TTLL9: variants seen among roughly 807,000 people sequenced by gnomAD.
TTLL9 encodes tubulin tyrosine ligase like 9.
TTLL9 carries 47 observed loss-of-function variants against 65.6 expected under a neutral mutation model. The ratio of observed to expected loss-of-function variants is 0.72; its 90% CI spans 0.57 to 0.91. TTLL9 has a LOEUF of 0.91. Among genes scored for constraint, TTLL9 ranks in the 40% least tolerant of loss-of-function variants. The pLI is 0.00. For synonymous variants in TTLL9, 179 were observed against 204.8 expected (o/e 0.87, Z 1.07); for missense variants, 537 against 568.8 (o/e 0.94, Z 0.57).
rs1414120703 is a variant in TTLL9 at position 31,914,326 on chromosome 20, G to C, written c.504+4404G>C. On this transcript the variant is annotated intron_variant, in intron 6 of 14. Coordinates refer to ENST00000535842, the MANE Select transcript of TTLL9 (RefSeq NM_001008409.5). Reference sequence around the variant, plus strand: ...GGGCCTCTTTGACATCTGGTGAAATGTGTGGACCCTATCACAGAATAGTGG... The same window carrying C: ...GGGCCTCTTTGACATCTGGTGAAATCTGTGGACCCTATCACAGAATAGTGG... Among the ~76,000 whole-genome samples the C allele has an allele frequency of 2.0e-5, 3 of 152,182 alleles. No homozygotes were observed. The South Asian group carries it at 6.2e-4, about 31-fold the overall frequency.
At position 31,919,891 on chromosome 20, in the gene TTLL9, T is replaced by C. The variant is rs200319476; in HGVS notation, c.532T>C (p.Phe178Leu). Reference protein sequence around the residue: ...PVARSQGKGIFLFRRLKDIVD... With the variant: ...PVARSQGKGILLFRRLKDIVD... ...AGCCCGGTCTCAAGGGAAAGGCATC[T>C]TCCTCTTCCGTAGGCTGAAGGACAT... Residue 178 changes from phenylalanine (F) to leucine (L), a missense_variant, in exon 7 of 15, where the codon TTC becomes CTC. Phe to Leu is a conservative substitution (Grantham distance 22, BLOSUM62 0). This residue lies in a region of TTLL9 where 320 missense variants were observed against 311.0 expected (regional missense o/e 1.03). Coordinates refer to ENST00000535842, the MANE Select transcript of TTLL9 (RefSeq NM_001008409.5). The C allele has an allele frequency of 8.5e-5, 135 of 1,592,988 alleles. 1 individual carries two copies. The African/African-American group carries it at 1.8e-3, about 21-fold the overall frequency.
chr20:31,901,542 GA>G (rs1210386996), intron 4 of TTLL9: 1 of 152,198 alleles, frequency 6.6e-6, no homozygotes, highest in Non-Finnish European at 1.5e-5. Flanking sequence ...AATAGAATAC[GA>G]AATCCACACG....
intron 2 of TTLL9, among the ~76,000 whole-genome samples, chr20:31,874,940 A>G (rs1158754662): frequency 6.6e-6 from 1 of 152,202 alleles, no homozygotes; most frequent in Non-Finnish European, 1.5e-5. Context: ...AGAGTTTACG[A>G]AAGAAACTCA....
chr20:31,937,267 G>T, intron 12 of TTLL9, 129 bp from the exon 13 acceptor site: 1 of 582,864 alleles, frequency 1.7e-6, no homozygotes, highest in Non-Finnish European at 3.0e-6. Flanking sequence ...AAAAAAAATA[G>T]AAAGGTAGAG....
intron 4 of TTLL9, among the ~76,000 whole-genome samples, chr20:31,900,442 C>T (rs1021601777): frequency 1.3e-5 from 2 of 152,178 alleles, no homozygotes; most frequent in African/African-American, 4.8e-5. Flanking sequence ...AGTGGCTTCT[C>T]AGTGGATTGA....
rs1026424682 is a variant in TTLL9, at chr20:31,907,757, A to G, written c.207-834A>G. Among the ~76,000 whole-genome samples, 8 of 152,014 alleles carry G rather than the reference A, an allele frequency of 5.3e-5. No individual in the cohort carries two copies. The East Asian group carries it at 1.5e-3, about 29-fold the overall frequency. ...AAAAAAAAACCACTGCATAGAAATG[A>G]TAACACACCAAACTCAGGCTGATGG... On this transcript the variant is annotated intron_variant, in intron 4 of 14. Transcript: ENST00000535842.
Position 31,943,189 on chromosome 20 carries a change from A to G in TTLL9, c.*168A>G. On this transcript the variant is annotated 3_prime_UTR_variant, in exon 15 of 15. Coordinates refer to ENST00000535842, the MANE Select transcript of TTLL9 (RefSeq NM_001008409.5). ...TTACTACCTGAATTGGGCCCCTTGG[A>G]TACCTCCAGCCCATCCCCAGGCATC... 1.5e-6 allele frequency: 1 copy of G among 663,414 alleles called. No individual in the cohort carries two copies. The allele number at this position is 663,414 out of a possible 1,614,324, so 41.1% of individuals were successfully genotyped here.
At chr20:31,933,682 C>T (rs564478501) in intron 10 of TTLL9, 118 bp from the exon 11 acceptor site, 13 of 924,032 alleles carry the variant, frequency 1.4e-5, no homozygotes, top group African/African-American at 6.6e-5. Context: ...CTCACACACA[C>T]GACCGTGGAG....
intron 7 of TTLL9, among the ~76,000 whole-genome samples, chr20:31,921,811 C>T (rs149363687): frequency 0.012 from 1,854 of 151,528 alleles, 28 homozygotes; most frequent in African/African-American, 0.042. Flanking sequence ...CATCACACAC[C>T]GGGGCTTATT....
At chr20:31,872,923 C>A in intron 2 of TTLL9, 1 of 480,056 alleles carries the variant, frequency 2.1e-6, no homozygotes, top group Non-Finnish European at 4.2e-6. Flanking sequence ...TCTCTTCTGT[C>A]GGATAAAAAT....
intron 3 of TTLL9, among the ~76,000 whole-genome samples, chr20:31,891,312 A>AT (rs2063304673): frequency 6.6e-6 from 1 of 152,192 alleles, no homozygotes; most frequent in Non-Finnish European, 1.5e-5. Context: ...CCCCATCAGC[A>AT]TTGTAAGATA....
chr20:31,898,051 C>G (rs1172197410), intron 3 of TTLL9, among the ~76,000 whole-genome samples: 1 of 152,136 alleles, frequency 6.6e-6, no homozygotes. Context: ...AGCCAGTCTG[C>G]CTTCTTCTCT....
chr20:31,933,869 C>T lies in TTLL9; in HGVS notation c.807+11C>T, dbSNP rs371395899. The stretch of plus-strand genomic sequence containing the variant: ...TACCACCCAAAGAAGGTGAGGAAGC[C>T]GGGCTCGGCTATGCACGGGTACAGC... On this transcript the variant is annotated intron_variant, in intron 11 of 14. Coordinates refer to ENST00000535842, the MANE Select transcript of TTLL9 (RefSeq NM_001008409.5). The T allele has an allele frequency of 2.4e-5, 38 of 1,613,140 alleles. No individual in the cohort carries two copies. The Admixed American group carries it at 3.2e-4, about 13-fold the overall frequency.
At chr20:31,922,345 A>T (rs2063826808) in intron 7 of TTLL9, among the ~76,000 whole-genome samples, 1 of 152,246 alleles carries the variant, frequency 6.6e-6, no homozygotes, top group East Asian at 1.9e-4. Flanking sequence ...GCTTTATCAC[A>T]CTAAGTGCAT....
At chr20:31,899,096 T>C (rs896698035) in intron 4 of TTLL9, among the ~76,000 whole-genome samples, 1 of 152,244 alleles carries the variant, frequency 6.6e-6, no homozygotes, top group Non-Finnish European at 1.5e-5. Context: ...AAGGTTTGGA[T>C]GTATGCAATG....
Position 31,908,689 on chromosome 20 carries a change from G to A in TTLL9, c.305G>A (p.Arg102Gln), listed in dbSNP as rs117415805. 3.0e-5 allele frequency: 49 copies of A among 1,613,964 alleles called. No homozygotes were observed. Among genetic ancestry groups the A allele is most frequent in the African/African-American group, 5.3e-5 (4 of 75,020 alleles). ...MDEHVRISHF[R>Q]NHYELTRKNY... ...GAACATGTGCGGATCAGTCACTTCCGGAACCACTATGAGGTGAGCTGGGCA... is the reference window on the plus strand; with the variant it reads ...GAACATGTGCGGATCAGTCACTTCCAGAACCACTATGAGGTGAGCTGGGCA... Residue 102 changes from arginine to glutamine, a missense_variant, in exon 5 of 15, where the codon CGG (arginine) becomes CAG (glutamine). Arg to Gln is a conservative substitution (Grantham distance 43). Around this residue, in one of 3 missense-constraint regions of TTLL9, gnomAD observed 320 missense variants for 311.0 expected, o/e 1.03. Transcript: ENST00000535842.
chr20:31,885,292 A>C (rs1409599730), intron 2 of TTLL9, among the ~76,000 whole-genome samples: 1 of 152,248 alleles, frequency 6.6e-6, no homozygotes, highest in Non-Finnish European at 1.5e-5. Flanking sequence ...AAGATTTACC[A>C]GAAAGCTACA....
intron 6 of TTLL9, among the ~76,000 whole-genome samples, chr20:31,917,549 T>C (rs1024774712): frequency 5.3e-5 from 8 of 152,210 alleles, no homozygotes; most frequent in Non-Finnish European, 7.3e-5. Context: ...AAGAGAGGAA[T>C]TGCTGGGACA....
chr20:31,871,043 G>C, intron 1 of TTLL9, 79 bp from the exon 2 acceptor site: 1 of 1,341,424 alleles, frequency 7.5e-7, no homozygotes, highest in Non-Finnish European at 1.1e-6. Flanking sequence ...CCACCCTCCT[G>C]TTCACTCATT....
Sources: gnomAD v4.1 joint callset for allele counts (sites outside exome capture counted in the v4.1 genomes callset) on GRCh38, gnomAD v4.1.1 for gene constraint, gnomAD v4.1.1 regional missense constraint, MANE v1.5 for transcripts, NCBI Gene and HGNC (gene_info 2026-07-23, HGNC 2026-07-21) for gene names.